The following ATRX variants were observed in gnomAD, a reference collection of about 807,000 sequenced individuals.
ATRX encodes ATRX chromatin remodeler, also known as chromatin remodeler ATRX.
A neutral mutation model predicts 172.6 loss-of-function variants in ATRX; 12 were observed. The ratio of observed to expected loss-of-function variants is 0.07; its 90% CI spans 0.04 to 0.11. The LOEUF (loss-of-function observed/expected upper bound fraction) is 0.11, where lower values mean the gene tolerates loss of function less well. Ranked by LOEUF, ATRX falls within the 10% of genes least tolerant of loss-of-function variation. ATRX has a pLI of 1.00. For missense variants in ATRX, 1,368 were observed against 1,767.4 expected (o/e 0.77, Z 4.05); for synonymous variants, 674 against 594.7 (o/e 1.13, Z -1.94).
At chrX:77,700,524 C>A (rs1251492305) in intron 2 of ATRX, among the ~76,000 whole-genome samples, 3 of 112,207 alleles carry the variant, frequency 2.7e-5, no homozygotes, top group African/African-American at 9.7e-5. Flanking sequence ...CACAAAATAA[C>A]CTGCATGGAG....
At chrX:77,728,784 G>A (rs782591325) in intron 1 of ATRX, among the ~76,000 whole-genome samples, 3 of 99,682 alleles carry the variant, frequency 3.0e-5, no homozygotes, top group South Asian at 9.2e-4. Context: ...TTTTGAGTTG[G>A]AGTCTTGCTC....
Position 77,729,383 on chromosome X carries a change from T to A in ATRX, c.21-12140A>T, listed in dbSNP as rs782098930. ...CCAAAAATATCTTTAGTAAGTAATA[T>A]CTAGCTAATATTACAGAAGATATTT... On this transcript the variant is annotated intron_variant, in intron 1 of 34. Coordinates refer to ENST00000373344, the MANE Select transcript of ATRX (RefSeq NM_000489.6). Among the ~76,000 whole-genome samples the A allele has an allele frequency of 2.2e-4, 25 of 111,742 alleles. 1 individual carries two copies. Among genetic ancestry groups the A allele is most frequent in the Non-Finnish European group, 4.5e-4 (24 of 53,147 alleles).
In ATRX at chrX:77,621,841, T is replaced by TA. The variant is rs782140449; in HGVS notation, c.5135-1310dup. On this transcript the variant is annotated intron_variant, in intron 19 of 34. Coordinates refer to ENST00000373344, the MANE Select transcript of ATRX (RefSeq NM_000489.6). ...TATTCAGTTGGGGCTACACAAATAG[T>TA]AAAAAAAAACAACAACAACAACAAC... Among the ~76,000 whole-genome samples the TA allele has an allele frequency of 3.1e-3, 339 of 108,871 alleles. 1 individual carries two copies. The highest frequency in any genetic ancestry group is 0.017 in the South Asian group (44 of 2,559). 94.5% of individuals were successfully genotyped at this position (108,871 alleles called of 115,157 possible).
chrX:77,696,502 A>T, intron 5 of ATRX, 75 bp downstream of exon 5: 1 of 1,085,936 alleles, frequency 9.2e-7, no homozygotes, highest in South Asian at 1.9e-5. Context: ...AACAGTAATC[A>T]AGTTCCAATT....
intron 1 of ATRX, among the ~76,000 whole-genome samples, chrX:77,736,722 C>T (rs2074584666): frequency 1.8e-5 from 2 of 112,396 alleles, no homozygotes; most frequent in Non-Finnish European, 3.8e-5. Context: ...CTTGGGTATA[C>T]ACCAGAAATA....
chrX:77,779,311 C>T (rs1330037728), intron 1 of ATRX, among the ~76,000 whole-genome samples: 1 of 109,381 alleles, frequency 9.1e-6, no homozygotes, highest in Non-Finnish European at 1.9e-5. Flanking sequence ...TGAACTCACA[C>T]AACAACTTAC....
At chrX:77,755,666 G>A (rs2075464931) in intron 1 of ATRX, among the ~76,000 whole-genome samples, 1 of 112,016 alleles carries the variant, frequency 8.9e-6, no homozygotes, top group African/African-American at 3.2e-5. Flanking sequence ...GCGGAGGCTG[G>A]AGAACAGCAA....
At chrX:77,626,753 AG>A (rs1228867393) in intron 19 of ATRX, among the ~76,000 whole-genome samples, 1 of 112,235 alleles carries the variant, frequency 8.9e-6, no homozygotes, top group Admixed American at 9.4e-5. Flanking sequence ...TAATGAGACT[AG>A]GAGGTAGGGA....
At position 77,546,072 on chromosome X, in the gene ATRX, T is replaced by C. The variant is rs146403037; in HGVS notation, c.6699+11379A>G. ...TTGATTAAAACGGTGTAAAGTCATA[T>C]CAAACCTCAATTTACTTCTCCGCAA... On this transcript the variant is annotated intron_variant, in intron 30 of 34. Transcript: ENST00000373344. 2.2e-3 allele frequency among the ~76,000 whole-genome samples: 247 copies of C among 111,420 alleles called. 2 individuals carry two copies. Among genetic ancestry groups the C allele is most frequent in the Non-Finnish European group, 1.3e-3 (71 of 53,082 alleles).
chrX:77,620,441 C>T lies in ATRX; in HGVS notation c.5226G>A (p.Arg1742=), dbSNP rs2148269963. 8.3e-7 allele frequency: 1 copy of T among 1,208,408 alleles called. No homozygotes were observed. The highest frequency in any genetic ancestry group is 1.1e-6 in the Non-Finnish European group (1 of 892,769). ...GTGGTGTTCCTGTTAAAATAATCCT[C>T]CTCCTTGATCGTATAGAATTCATAG... ...SKAMNSIRSR[R]RIILTGTPLQ... Residue 1742 remains arginine (R), a synonymous_variant, in exon 20 of 35, where the codon AGG becomes AGA. Transcript: ENST00000373344.
intron 30 of ATRX, among the ~76,000 whole-genome samples, chrX:77,538,525 C>T (rs1483553601): frequency 9.0e-6 from 1 of 111,360 alleles, no homozygotes; most frequent in African/African-American, 3.3e-5. Context: ...GTACAATTAA[C>T]ACTATTCAGG....
intron 27 of ATRX, among the ~76,000 whole-genome samples, chrX:77,578,251 C>T (rs1230624105): frequency 1.8e-5 from 2 of 111,552 alleles, no homozygotes; most frequent in East Asian, 5.6e-4. Flanking sequence ...AACTTCTGGG[C>T]AAGTCCTAGT....
At chrX:77,533,675 G>A (rs1410761493) in intron 30 of ATRX, among the ~76,000 whole-genome samples, 3 of 111,228 alleles carry the variant, frequency 2.7e-5, no homozygotes, top group African/African-American at 9.8e-5. Flanking sequence ...GCTAATGGAT[G>A]CTGAGCTTAA....
intron 22 of ATRX, among the ~76,000 whole-genome samples, chrX:77,615,598 T>C (rs1557096304): frequency 9.0e-6 from 1 of 111,543 alleles, no homozygotes; most frequent in African/African-American, 3.3e-5. Context: ...AATGTGTGCT[T>C]TATTGGAACT....
chrX:77,594,736 A>ACTTTAATACCTATT (rs2066412128), intron 25 of ATRX: 3 of 111,665 alleles, frequency 2.7e-5, no homozygotes, highest in Non-Finnish European at 5.6e-5. Context: ...CCTTTCCAAT[A>ACTTTAATACCTATT]GGTAACTAAA....
intron 30 of ATRX, among the ~76,000 whole-genome samples, chrX:77,554,671 A>G (rs1242124973): frequency 8.9e-6 from 1 of 111,742 alleles, no homozygotes; most frequent in Non-Finnish European, 1.9e-5. Flanking sequence ...CCAATTAAAT[A>G]CTAACCATCT....
intron 22 of ATRX, among the ~76,000 whole-genome samples, chrX:77,601,032 T>C (rs1463825549): frequency 9.0e-6 from 1 of 111,444 alleles, no homozygotes; most frequent in African/African-American, 3.3e-5. Context: ...GAAATCAATA[T>C]ATAATTTTTT....
At chrX:77,678,849 C>G (rs1389505915) in intron 9 of ATRX, among the ~76,000 whole-genome samples, 1 of 110,544 alleles carries the variant, frequency 9.0e-6, no homozygotes, top group East Asian at 2.8e-4. Flanking sequence ...CTGCAATCTC[C>G]TAGGACCATG....
At chrX:77,626,950 G>C (rs782428103) in intron 19 of ATRX, among the ~76,000 whole-genome samples, 1 of 112,199 alleles carries the variant, frequency 8.9e-6, no homozygotes, top group Non-Finnish European at 1.9e-5. Context: ...AGTAAGCCAG[G>C]CGCGGTGGCT....
Sources: gnomAD v4.1 joint callset for allele counts (sites outside exome capture counted in the v4.1 genomes callset) on GRCh38, gnomAD v4.1.1 for gene constraint, MANE v1.5 for transcripts, NCBI Gene and HGNC (gene_info 2026-07-23, HGNC 2026-07-21) for gene names.